Variants in SLC16A10 observed in about 807,000 individuals in gnomAD.
The protein encoded by SLC16A10 is solute carrier family 16 member 10.
In SLC16A10, 27 loss-of-function variants were observed where a neutral mutation model predicts 40.0. That is an observed-to-expected ratio of 0.67 (90% CI 0.50 to 0.93). SLC16A10 has a LOEUF of 0.93. SLC16A10 is among the 40% of genes least tolerant of loss of function. The pLI, the probability that SLC16A10 is intolerant of heterozygous loss-of-function variation, is 0.00. For synonymous variants in SLC16A10, 213 were observed against 249.8 expected (o/e 0.85, Z 1.39); for missense variants, 529 against 658.2 (o/e 0.80, Z 2.15).
intron 4 of SLC16A10, among the ~76,000 whole-genome samples, chr6:111,218,405 C>G (rs903077810): frequency 6.6e-6 from 1 of 152,056 alleles, no homozygotes; most frequent in Admixed American, 6.6e-5. Flanking sequence ...ATGGGGAAGC[C>G]CCATCTCTAC....
Position 111,087,552 on chromosome 6 carries a change from G to GGTGTTCGCGCGCGCCAGCT in SLC16A10, c.-198_-180dup, listed in dbSNP as rs1770887768. ...TAGAGGCTTCAGTGTCGATCCCCGA[G>GGTGTTCGCGCGCGCCAGCT]GTGTTCGCGCGCGCCAGCTGTCCTC... On this transcript the variant is annotated 5_prime_UTR_variant, in exon 1 of 6. Coordinates refer to ENST00000368851, the MANE Select transcript of SLC16A10 (RefSeq NM_018593.5). The GGTGTTCGCGCGCGCCAGCT allele has an allele frequency of 4.6e-6, 1 of 218,220 alleles. No homozygotes were observed. Among genetic ancestry groups the GGTGTTCGCGCGCGCCAGCT allele is most frequent in the Non-Finnish European group, 8.8e-6 (1 of 113,112 alleles). 13.5% of individuals were successfully genotyped at this position (218,220 alleles called of 1,614,324 possible). A position where few individuals can be genotyped will look rare whatever the true frequency, so the allele number is the denominator to read the frequency against.
Position 111,176,040 on chromosome 6 carries a change from C to T in SLC16A10, c.489-1172C>T, listed in dbSNP as rs111874586. On this transcript the variant is annotated intron_variant, in intron 2 of 5. Coordinates refer to ENST00000368851, the MANE Select transcript of SLC16A10 (RefSeq NM_018593.5). ...TCTTTTCCACAATGTATCTGGTACA[C>T]AGTAGTTGCTTAATATGTTGGCTAA... Among the ~76,000 whole-genome samples, 389 of 152,188 alleles carry T rather than the reference C, an allele frequency of 2.6e-3. 2 individuals are homozygous for T. Among genetic ancestry groups the T allele is most frequent in the African/African-American group, 8.9e-3 (368 of 41,510 alleles).
intron 1 of SLC16A10, 25 bp from the exon 2 acceptor site, chr6:111,172,670 C>A: frequency 6.2e-7 from 1 of 1,606,376 alleles, no homozygotes; most frequent in Middle Eastern, 1.7e-4. Context: ...TCATAATTCC[C>A]CCCACGCTTT....
intron 1 of SLC16A10, among the ~76,000 whole-genome samples, chr6:111,095,085 A>C (rs1771049784): frequency 6.6e-6 from 1 of 152,208 alleles, no homozygotes; most frequent in Admixed American, 6.5e-5. Flanking sequence ...ACTTTTAGGA[A>C]AATGTCAAAC....
chr6:111,228,298 CCTT>C lies in SLC16A10; in HGVS notation c.*6065_*6067del, dbSNP rs1382967487. The C allele has an allele frequency of 2.6e-5, 4 of 152,216 alleles. No individual in the cohort carries two copies. The highest frequency in any genetic ancestry group is 9.7e-5 in the African/African-American group (4 of 41,448). 9.4% of individuals were successfully genotyped at this position (152,216 alleles called of 1,614,324 possible). A position where few individuals can be genotyped will look rare whatever the true frequency, so the allele number is the denominator to read the frequency against. Reference sequence around the variant, plus strand: ...ACATTAAACTCCTGTAAGAGACACTCCTTCCTAGTAGAACAAGGACTGGGACAA... The same window carrying C: ...ACATTAAACTCCTGTAAGAGACACTCCCTAGTAGAACAAGGACTGGGACAA... On this transcript the variant is annotated 3_prime_UTR_variant, in exon 6 of 6. Transcript: ENST00000368851.
intron 1 of SLC16A10, among the ~76,000 whole-genome samples, chr6:111,162,397 C>G (rs562326563): frequency 1.5e-3 from 221 of 152,206 alleles, no homozygotes; most frequent in African/African-American, 5.1e-3. Context: ...GTTCCTGGGC[C>G]TATTAGAAAG....
chr6:111,185,703 A>T (rs569044188), intron 3 of SLC16A10, among the ~76,000 whole-genome samples: 80 of 152,322 alleles, frequency 5.3e-4, no homozygotes, highest in African/African-American at 1.9e-3. Context: ...GACATGTACA[A>T]ATTTATAGCA....
intron 1 of SLC16A10, among the ~76,000 whole-genome samples, chr6:111,160,017 A>G (rs999753571): frequency 2.0e-5 from 3 of 152,136 alleles, no homozygotes; most frequent in African/African-American, 2.4e-5. Context: ...TGTAATTTAT[A>G]TACAAGTTCT....
chr6:111,103,691 G>A (rs1301755516), intron 1 of SLC16A10, among the ~76,000 whole-genome samples: 5 of 152,186 alleles, frequency 3.3e-5, no homozygotes, highest in African/African-American at 9.7e-5. Flanking sequence ...GGATTTTAGA[G>A]GAAGGGAGAA....
At chr6:111,150,055 T>C (rs780902961) in intron 1 of SLC16A10, among the ~76,000 whole-genome samples, 3 of 152,232 alleles carry the variant, frequency 2.0e-5, no homozygotes, top group Admixed American at 6.5e-5. Context: ...TGAATTTGTC[T>C]CCCAAAGTTC....
chr6:111,179,799 A>G (rs1045472923), intron 3 of SLC16A10, among the ~76,000 whole-genome samples: 1 of 152,216 alleles, frequency 6.6e-6, no homozygotes, highest in Non-Finnish European at 1.5e-5. Flanking sequence ...TCTCTTTCTC[A>G]TAACGGTGCC....
intron 1 of SLC16A10, among the ~76,000 whole-genome samples, chr6:111,161,387 A>T (rs1173241305): frequency 6.6e-6 from 1 of 151,962 alleles, no homozygotes; most frequent in Non-Finnish European, 1.5e-5. Context: ...TTCAGCTTGA[A>T]GGTCAGGTTT....
At chr6:111,104,864 A>G (rs1771253215) in intron 1 of SLC16A10, among the ~76,000 whole-genome samples, 1 of 151,936 alleles carries the variant, frequency 6.6e-6, no homozygotes, top group Non-Finnish European at 1.5e-5. Flanking sequence ...TGAGATGGCC[A>G]CTGTAGCTGC....
In SLC16A10 at chr6:111,087,814, G is replaced by T. The variant is rs911110563; in HGVS notation, c.62G>T (p.Gly21Val). 4.6e-5 allele frequency: 58 copies of T among 1,248,872 alleles called. No individual in the cohort carries two copies. The highest frequency in any genetic ancestry group is 5.5e-5 in the Non-Finnish European group (54 of 986,274). The allele number at this position is 1,248,872 out of a possible 1,614,324, so 77.4% of individuals were successfully genotyped here. The change falls in exon 1 of 6, where the codon GGC becomes GTC. Residue 21 changes from glycine (G) to valine (V), a missense_variant. Coordinates refer to ENST00000368851, the MANE Select transcript of SLC16A10 (RefSeq NM_018593.5). The part of the protein sequence containing the change: ...ARGTSEAQPL[G>V]PAPTGAAPPP... ...GGCACGAGCGAGGCGCAGCCGCTCG[G>T]CCCCGCGCCCACGGGGGCCGCTCCG...
intron 1 of SLC16A10, among the ~76,000 whole-genome samples, chr6:111,136,371 G>A (rs1012901698): frequency 6.6e-6 from 1 of 152,192 alleles, no homozygotes; most frequent in Non-Finnish European, 1.5e-5. Flanking sequence ...CATTGTTTAC[G>A]GGTAGTGGCG....
At chr6:111,100,222 G>A (rs1366797000) in intron 1 of SLC16A10, among the ~76,000 whole-genome samples, 2 of 151,946 alleles carry the variant, frequency 1.3e-5, no homozygotes, top group African/African-American at 4.8e-5. Context: ...TCAATACACG[G>A]GTGTCTGTAA....
intron 3 of SLC16A10, among the ~76,000 whole-genome samples, chr6:111,192,672 G>C (rs1411476637): frequency 6.6e-6 from 1 of 152,126 alleles, no homozygotes; most frequent in Non-Finnish European, 1.5e-5. Context: ...AGGTTTAATG[G>C]ACTCACAGTT....
intron 5 of SLC16A10, among the ~76,000 whole-genome samples, chr6:111,220,097 G>A (rs1170630279): frequency 1.3e-5 from 2 of 152,058 alleles, no homozygotes; most frequent in East Asian, 1.9e-4. Context: ...AAAATAAAAG[G>A]TCATATATCG....
chr6:111,163,983 C>G (rs771225181), intron 1 of SLC16A10, among the ~76,000 whole-genome samples: 2 of 152,130 alleles, frequency 1.3e-5, no homozygotes, highest in Non-Finnish European at 2.9e-5. Context: ...TAAACCTTTA[C>G]AAATTTTTGT....
Sources: allele counts gnomAD v4.1 joint callset (sites outside exome capture counted in the v4.1 genomes callset), GRCh38; gene constraint gnomAD v4.1.1; transcripts MANE v1.5; gene names NCBI Gene and HGNC (gene_info 2026-07-23, HGNC 2026-07-21).